Variants in NAV3 observed in about 807,000 individuals in gnomAD.
NAV3 encodes pore membrane and/or filament interacting like protein 1.
NAV3 carries 87 observed loss-of-function variants against 244.7 expected under a neutral mutation model. That is an observed-to-expected ratio of 0.36 (90% confidence interval 0.30 to 0.42). The LOEUF (loss-of-function observed/expected upper bound fraction) is 0.42, where lower values mean the gene tolerates loss of function less well. NAV3 is among the 20% of genes least tolerant of loss of function. NAV3 has a pLI of 1.00. For missense variants in NAV3, 2,663 were observed against 2,893.3 expected, an observed-to-expected ratio of 0.92 and a Z score of 1.83; for synonymous variants, 1,126 against 1,042.2, an observed-to-expected ratio of 1.08 and a Z score of -1.55.
rs540104855 is a variant in NAV3, at chr12:77,734,018, G to A, written c.72+161752G>A. ...TTTGTTTGTTTGTTTCAGGATCAGA[G>A]AGACTTAAGGGAAAGAATTAGAAAA... is the stretch of plus-strand genomic sequence containing the variant. On this transcript the variant is annotated intron_variant, in intron 2 of 8. Transcript: ENST00000550042. 2.6e-5 allele frequency among the ~76,000 whole-genome samples: 4 copies of A among 151,868 alleles called. No individual in the cohort carries two copies. The South Asian group carries it at 8.3e-4, about 32-fold the overall frequency.
At chr12:77,743,835 G>A (rs1868398639) in intron 2 of NAV3, among the ~76,000 whole-genome samples, 1 of 151,598 alleles carries the variant, frequency 6.6e-6, no homozygotes, top group Admixed American at 6.6e-5. Flanking sequence ...ATTTGCTGTG[G>A]AAACAAGAAG....
At chr12:77,977,712 G>GCA (rs540138192) in intron 5 of NAV3, among the ~76,000 whole-genome samples, 4,341 of 143,000 alleles carry the variant, frequency 0.03, 163 homozygotes, top group African/African-American at 0.09. Context: ...ACACACACGC[G>GCA]CACACACACA....
intron 2 of NAV3, among the ~76,000 whole-genome samples, chr12:77,600,213 T>A (rs1870361405): frequency 6.6e-6 from 1 of 151,998 alleles, no homozygotes; most frequent in South Asian, 2.1e-4. Context: ...ATTTAGTACC[T>A]GGACCAGCTC....
In NAV3 at chr12:78,119,553, T is replaced by A. The variant is rs754927469; in HGVS notation, c.3357T>A (p.Asn1119Lys). The change falls in exon 15 of 40, where the codon AAT becomes AAA. Residue 1119 changes from asparagine to lysine, a missense_variant. Transcript: ENST00000397909. ...AAACCAGTTTGGACGGTTCACAGAA[T>A]CAGGATGATGTTGTGCTGCATGTTA... Reference protein sequence around the residue: ...GRKTSLDGSQNQDDVVLHVSS... With the variant: ...GRKTSLDGSQKQDDVVLHVSS... 3 of 1,614,116 alleles carry A rather than the reference T, an allele frequency of 1.9e-6. No individual in the cohort carries two copies. The highest frequency in any genetic ancestry group is 2.5e-6 in the Non-Finnish European group (3 of 1,180,014).
At chr12:77,710,579 C>T (rs1169563012) in intron 2 of NAV3, among the ~76,000 whole-genome samples, 1 of 152,066 alleles carries the variant, frequency 6.6e-6, no homozygotes, top group African/African-American at 2.4e-5. Context: ...GTAGAAATTA[C>T]TTAAAAGTGC....
intron 3 of NAV3, among the ~76,000 whole-genome samples, chr12:77,949,630 C>T (rs1462995810): frequency 6.6e-6 from 1 of 151,852 alleles, no homozygotes; most frequent in Non-Finnish European, 1.5e-5. Context: ...CATGCATAGC[C>T]TCCCCCAATA....
Position 77,636,464 on chromosome 12 carries a change from C to CAA in NAV3, c.72+64217_72+64218dup, listed in dbSNP as rs372405959. Among the ~76,000 whole-genome samples the CAA allele has an allele frequency of 1.7e-4, 13 of 76,686 alleles. No individual in the cohort carries two copies. In the East Asian group the frequency reaches 2.0e-3, roughly 12 times the overall value. 50.3% of individuals were successfully genotyped at this position (76,686 alleles called of 152,430 possible). ...TGGGCAGCAGTGCCAGACACCGTCT[C>CAA]AAAAAAAAAAAAAAAAAAAAGTTAG... On this transcript the variant is annotated intron_variant, in intron 2 of 8. Transcript: ENST00000550042.
chr12:77,607,040 G>A (rs1870700474), intron 2 of NAV3, among the ~76,000 whole-genome samples: 1 of 152,162 alleles, frequency 6.6e-6, no homozygotes, highest in African/African-American at 2.4e-5. Context: ...TTAATGAATG[G>A]AATTCTGAGC....
chr12:77,946,362 A>G lies in NAV3; in HGVS notation c.414+5229A>G, dbSNP rs1890353559. Among the ~76,000 whole-genome samples the G allele has an allele frequency of 4.6e-5, 7 of 151,954 alleles. No individual in the cohort carries two copies. The South Asian group carries it at 1.2e-3, about 27-fold the overall frequency. On this transcript the variant is annotated intron_variant, in intron 3 of 39. Coordinates refer to ENST00000397909, the MANE Select transcript of NAV3 (RefSeq NM_001024383.2). ...ATAATCCCAACAACAATTCTTTTGA[A>G]TAGCATAGTCCAAAGAGCACATATT...
chr12:78,010,353 A>C (rs1875050894), intron 8 of NAV3, among the ~76,000 whole-genome samples: 2 of 152,180 alleles, frequency 1.3e-5, no homozygotes, highest in Non-Finnish European at 2.9e-5. Context: ...TAATCATTTG[A>C]TGAGATAAGA....
At chr12:77,762,663 T>C (rs1003906963) in intron 2 of NAV3, among the ~76,000 whole-genome samples, 3 of 152,160 alleles carry the variant, frequency 2.0e-5, no homozygotes, top group African/African-American at 7.2e-5. Context: ...ATCGTTGTTA[T>C]AAAGTTGTAT....
intron 1 of NAV3, among the ~76,000 whole-genome samples, chr12:77,867,235 G>A (rs1201013215): frequency 6.6e-6 from 1 of 152,074 alleles, no homozygotes; most frequent in African/African-American, 2.4e-5. Flanking sequence ...GAGATCCGAT[G>A]GTTTTATAAG....
intron 7 of NAV3, among the ~76,000 whole-genome samples, chr12:78,000,159 A>G (rs570358521): frequency 6.6e-6 from 1 of 152,294 alleles, no homozygotes; most frequent in East Asian, 1.9e-4. Flanking sequence ...TGGCCACTCA[A>G]TTCATACATA....
At chr12:77,821,946 A>G (rs1033778308) in intron 2 of NAV3, among the ~76,000 whole-genome samples, 3 of 152,168 alleles carry the variant, frequency 2.0e-5, no homozygotes, top group Admixed American at 6.6e-5. Context: ...TCTTACTGGA[A>G]CACTGAAATT....
At chr12:78,131,466 G>T (rs973845906) in intron 18 of NAV3, among the ~76,000 whole-genome samples, 2 of 152,284 alleles carry the variant, frequency 1.3e-5, no homozygotes, top group South Asian at 2.1e-4. Flanking sequence ...TAAAATGTTT[G>T]TGTAGGTCAT....
chr12:77,670,177 A>G (rs1481756417), intron 2 of NAV3, among the ~76,000 whole-genome samples: 1 of 152,170 alleles, frequency 6.6e-6, no homozygotes, highest in Non-Finnish European at 1.5e-5. Flanking sequence ...CTTTACATGC[A>G]TAACCTAGAA....
In NAV3 at chr12:77,937,180, T is replaced by C. The variant is rs1889404377; in HGVS notation, c.244-3139T>C. ...TGCATTAAATTTCTTTATATAGCCA[T>C]TGCTCTCACTGATTGCAGCTGAAGT... On this transcript the variant is annotated intron_variant, in intron 1 of 39. Coordinates refer to ENST00000397909, the MANE Select transcript of NAV3 (RefSeq NM_001024383.2). Among the ~76,000 whole-genome samples the C allele has an allele frequency of 2.0e-5, 3 of 152,216 alleles. No individual in the cohort carries two copies. In the South Asian group the frequency reaches 6.2e-4, roughly 31 times the overall value.
At chr12:77,745,550 G>A (rs780265631) in intron 2 of NAV3, among the ~76,000 whole-genome samples, 14 of 151,932 alleles carry the variant, frequency 9.2e-5, no homozygotes, top group African/African-American at 3.1e-4. Context: ...CATCATGCCC[G>A]GGACCATAAT....
At chr12:77,923,546 T>C (rs1466636749) in intron 1 of NAV3, among the ~76,000 whole-genome samples, 1 of 152,180 alleles carries the variant, frequency 6.6e-6, no homozygotes, top group Non-Finnish European at 1.5e-5. Flanking sequence ...TGTAGATTTG[T>C]AAAGTAGGAC....
Sources: gnomAD v4.1 joint callset for allele counts (sites outside exome capture counted in the v4.1 genomes callset) on GRCh38, gnomAD v4.1.1 for gene constraint, MANE v1.5 for transcripts, NCBI Gene and HGNC (gene_info 2026-07-23, HGNC 2026-07-21) for gene names.